HERC1: variants seen among roughly 807,000 people sequenced by gnomAD.
HERC1 encodes the protein HECT and RLD domain containing E3 ubiquitin protein ligase family member 1.
HERC1 carries 160 observed loss-of-function variants against 554.3 expected under a neutral mutation model. The ratio of observed to expected loss-of-function variants is 0.29; its 90% CI spans 0.25 to 0.33. HERC1 has a LOEUF of 0.33. Among genes scored for constraint, HERC1 ranks in the 10% least tolerant of loss-of-function variants. The pLI is 1.00. For missense variants in HERC1, 4,919 were observed against 5,918.5 expected, an observed-to-expected ratio of 0.83 and a Z score of 5.54; for synonymous variants, 2,175 against 2,131.7, an observed-to-expected ratio of 1.02 and a Z score of -0.56.
chr15:63,690,669 C>A lies in HERC1; in HGVS notation c.5831-22G>T, dbSNP rs753915793. The A allele has an allele frequency of 4.3e-6, 6 of 1,381,842 alleles. No individual in the cohort carries two copies. In the African/African-American group the frequency reaches 7.2e-5, roughly 17 times the overall value. The allele number at this position is 1,381,842 out of a possible 1,614,324, so 85.6% of individuals were successfully genotyped here. A position where few individuals can be genotyped will look rare whatever the true frequency, so the allele number is the denominator to read the frequency against. ...ATACCTGGAGGGGAAAAGACCTTTT[C>A]TTATTATCAATGTGACTTAAATTCA... On this transcript the variant is annotated intron_variant, in intron 31 of 77. Transcript: ENST00000443617.
chr15:63,734,877 A>G lies in HERC1; in HGVS notation c.2521-28T>C. On this transcript the variant is annotated intron_variant, in intron 12 of 77. Coordinates refer to ENST00000443617, the MANE Select transcript of HERC1 (RefSeq NM_003922.4). The surrounding 1 kb of genome is among the most constrained non-coding windows in gnomAD (Gnocchi z 4.6). ...AATATCAAAAGAGAAAAGTATACTG[A>G]TTGGCCTGGTTCTTAGTTTTTAATA... 6.3e-7 allele frequency: 1 copy of G among 1,595,372 alleles called. No homozygotes were observed. The highest frequency in any genetic ancestry group is 8.5e-7 in the Non-Finnish European group (1 of 1,169,854).
intron 22 of HERC1, among the ~76,000 whole-genome samples, chr15:63,715,878 A>C (rs2073529371): frequency 6.6e-6 from 1 of 152,326 alleles, no homozygotes; most frequent in Middle Eastern, 3.4e-3. Context: ...TGAAATTTAT[A>C]ATTTTAGAAG....
intron 2 of HERC1, among the ~76,000 whole-genome samples, chr15:63,771,108 G>C (rs1239655123): frequency 6.6e-6 from 1 of 151,912 alleles, no homozygotes; most frequent in Non-Finnish European, 1.5e-5. Flanking sequence ...AGAATAGCTT[G>C]AACCCAGGAG....
intron 50 of HERC1, among the ~76,000 whole-genome samples, chr15:63,654,607 C>T (rs2069905163): frequency 6.6e-6 from 1 of 151,868 alleles, no homozygotes. Context: ...AATCCCAGTG[C>T]TTTGGGAGGC....
intron 1 of HERC1, among the ~76,000 whole-genome samples, chr15:63,790,581 A>G (rs2144139784): frequency 6.7e-6 from 1 of 149,626 alleles, no homozygotes; most frequent in South Asian, 2.1e-4. Flanking sequence ...CCGTCTCAAA[A>G]AAAAATTTTT....
intron 2 of HERC1, among the ~76,000 whole-genome samples, chr15:63,771,110 A>T (rs975593890): frequency 6.6e-6 from 1 of 151,944 alleles, no homozygotes; most frequent in Non-Finnish European, 1.5e-5. Context: ...AATAGCTTGA[A>T]CCCAGGAGGC....
intron 25 of HERC1, among the ~76,000 whole-genome samples, chr15:63,704,673 A>C (rs973329746): frequency 6.6e-6 from 1 of 152,118 alleles, no homozygotes; most frequent in African/African-American, 2.4e-5. Flanking sequence ...AAATAATGAA[A>C]TGCATGTTGC....
chr15:63,645,698 A>T lies in HERC1; in HGVS notation c.10879-16T>A. The T allele has an allele frequency of 1.4e-6, 2 of 1,452,454 alleles. No homozygotes were observed. Among genetic ancestry groups the T allele is most frequent in the South Asian group, 2.7e-5 (2 of 73,050 alleles). 90.0% of individuals were successfully genotyped at this position (1,452,454 alleles called of 1,614,324 possible). On this transcript the variant is annotated splice_polypyrimidine_tract_variant and intron_variant, in intron 55 of 77. Coordinates refer to ENST00000443617, the MANE Select transcript of HERC1 (RefSeq NM_003922.4). ...TAAGAGTATCCTTAAAATGGAAGGAAGAGAAAAAAAATCAGAGTAATGTTT... is the reference window on the plus strand; with the variant it reads ...TAAGAGTATCCTTAAAATGGAAGGATGAGAAAAAAAATCAGAGTAATGTTT...
rs945662082 is a variant in HERC1 at position 63,648,206 on chromosome 15, T to C, written c.10748-7A>G. On this transcript the variant is annotated splice_polypyrimidine_tract_variant and splice_region_variant and intron_variant, in intron 54 of 77. Coordinates refer to ENST00000443617, the MANE Select transcript of HERC1 (RefSeq NM_003922.4). ...GCAATGCAAGTAACAGACACTAACA[T>C]GATCAAAACAAAAGAGTAAGGAAAA... 1.3e-6 allele frequency: 2 copies of C among 1,599,604 alleles called. No individual in the cohort carries two copies. Among genetic ancestry groups the C allele is most frequent in the Non-Finnish European group, 1.7e-6 (2 of 1,172,066 alleles).
intron 68 of HERC1, chr15:63,632,442 A>T (rs74018158): frequency 1.0e-5 from 5 of 487,808 alleles, no homozygotes; most frequent in Non-Finnish European, 1.9e-5. Context: ...AGGGCAGTAG[A>T]AAAGAAGAGG....
At position 63,747,057 on chromosome 15, in the gene HERC1, C is replaced by A; in HGVS notation, c.2381G>T (p.Cys794Phe). ...AAGGTGATTTGAAAGTAGCTTCAGG[C>A]ACAGCTTGAGAAAACTGTGGTGTTC... ...SREHHSFLKL[C>F]LKLLSNHLAL... The change falls in exon 12 of 78, where the codon TGC becomes TTC. Residue 794 changes from cysteine to phenylalanine, a missense_variant. Transcript: ENST00000443617. 1 of 1,597,458 alleles carries A rather than the reference C, an allele frequency of 6.3e-7. No homozygotes were observed.
chr15:63,677,126 CTT>C lies in HERC1; in HGVS notation c.7070+717_7070+718del, dbSNP rs34050259. 6.6e-6 allele frequency among the ~76,000 whole-genome samples: 1 copy of C among 152,144 alleles called. No homozygotes were observed. Among genetic ancestry groups the C allele is most frequent in the Non-Finnish European group, 1.5e-5 (1 of 68,020 alleles). On this transcript the variant is annotated intron_variant, in intron 37 of 77. Transcript: ENST00000443617. The surrounding 1 kb of genome is among the most constrained non-coding windows in gnomAD (Gnocchi z 4.4). The stretch of plus-strand genomic sequence containing the variant: ...AACTCCTTTGAGTGAAAACCTGAAA[CTT>C]TTTGAGCACCAACATGATGCTCAAT...
chr15:63,737,491 TATAC>T (rs1156831500), intron 12 of HERC1, among the ~76,000 whole-genome samples: 5 of 87,820 alleles, frequency 5.7e-5, no homozygotes, highest in Admixed American at 1.2e-4. Context: ...GATATATATA[TATAC>T]ATATATATAT....
rs371248637 is a variant in HERC1 at position 63,645,618 on chromosome 15, T to C, written c.10943A>G (p.Asp3648Gly). ...GHILMTCAKE[D>G]SVKLWGSISG... ...AATAGAGCCCCAGAGTTTCACACTG[T>C]CTTCTTTGGCACATGTCATAAGAAT... is the stretch of plus-strand genomic sequence containing the variant. The change falls in exon 56 of 78, where the codon GAC becomes GGC. Residue 3648 changes from aspartate to glycine, a missense_variant. Around this residue, in one of 11 missense-constraint regions of HERC1, gnomAD observed 1,963 missense variants for 2,228.6 expected, o/e 0.88. Coordinates refer to ENST00000443617, the MANE Select transcript of HERC1 (RefSeq NM_003922.4). 52 of 1,612,176 alleles carry C rather than the reference T, an allele frequency of 3.2e-5. No homozygotes were observed. The highest frequency in any genetic ancestry group is 4.2e-5 in the Non-Finnish European group (49 of 1,179,102).
intron 22 of HERC1, among the ~76,000 whole-genome samples, chr15:63,715,803 A>G (rs2073525282): frequency 6.6e-6 from 1 of 152,216 alleles, no homozygotes; most frequent in African/African-American, 2.4e-5. Context: ...AGTTTTATGC[A>G]CCCAGTCAAT....
chr15:63,799,989 C>T (rs1472973208), intron 1 of HERC1, among the ~76,000 whole-genome samples: 1 of 151,948 alleles, frequency 6.6e-6, no homozygotes, highest in Non-Finnish European at 1.5e-5. Context: ...TTTTAGTTAG[C>T]CAGATGTGGT....
intron 69 of HERC1, 118 bp from the exon 70 acceptor site, chr15:63,628,933 C>A: frequency 3.4e-6 from 3 of 887,580 alleles, no homozygotes; most frequent in Non-Finnish European, 5.2e-6. Context: ...TACCATGCAT[C>A]AGCATCAATA....
Position 63,734,878 on chromosome 15 carries a change from T to C in HERC1, c.2521-29A>G, listed in dbSNP as rs1199486622. 6.3e-7 allele frequency: 1 copy of C among 1,593,240 alleles called. No individual in the cohort carries two copies. The highest frequency in any genetic ancestry group is 8.6e-7 in the Non-Finnish European group (1 of 1,168,812). On this transcript the variant is annotated intron_variant, in intron 12 of 77. Coordinates refer to ENST00000443617, the MANE Select transcript of HERC1 (RefSeq NM_003922.4). The surrounding 1 kb of genome is among the most constrained non-coding windows in gnomAD (Gnocchi z 4.6). The stretch of plus-strand genomic sequence containing the variant: ...ATATCAAAAGAGAAAAGTATACTGA[T>C]TGGCCTGGTTCTTAGTTTTTAATAA...
intron 1 of HERC1, among the ~76,000 whole-genome samples, chr15:63,806,068 C>T (rs1187971797): frequency 6.6e-6 from 1 of 152,060 alleles, no homozygotes; most frequent in Non-Finnish European, 1.5e-5. Flanking sequence ...TTTTTCTTAA[C>T]ATCAACCACT....
Sources: allele counts gnomAD v4.1 joint callset (sites outside exome capture counted in the v4.1 genomes callset), GRCh38; gene constraint gnomAD v4.1.1; regional missense constraint gnomAD v4.1.1; non-coding constraint Gnocchi (gnomAD v3.1); transcripts MANE v1.5; gene names NCBI Gene and HGNC (gene_info 2026-07-23, HGNC 2026-07-21).